VEPH1: variants seen among roughly 807,000 people sequenced by gnomAD.
VEPH1 encodes ventricular zone expressed PH domain containing 1, also known as ventricular zone-expressed PH domain-containing protein homolog 1.
In VEPH1, 80 loss-of-function variants were observed where a neutral mutation model predicts 85.2. The ratio of observed to expected loss-of-function variants is 0.94; its 90% CI spans 0.78 to 1.13. VEPH1 has a LOEUF of 1.13. Ranked by LOEUF, VEPH1 falls within the 50% of genes most tolerant of loss-of-function variation. VEPH1 has a pLI of 0.00. For synonymous variants in VEPH1, 297 were observed against 348.0 expected (o/e 0.85, Z 1.63); for missense variants, 955 against 980.5 (o/e 0.97, Z 0.35).
intron 4 of VEPH1, among the ~76,000 whole-genome samples, chr3:157,433,052 A>G (rs927603440): frequency 2.0e-5 from 3 of 152,194 alleles, no homozygotes; most frequent in African/African-American, 7.2e-5. Flanking sequence ...TTAATAAAGC[A>G]ATAGATTTTT....
At position 157,458,860 on chromosome 3, in the gene VEPH1, C is replaced by T. The variant is rs144615844; in HGVS notation, c.529+1321G>A. ...TATAGATACCCAGTTATCCTAGCAC[C>T]ATTTGTTGAATAGGGAGTCCTTCCC... is the stretch of plus-strand genomic sequence containing the variant. On this transcript the variant is annotated intron_variant, in intron 4 of 13. Transcript: ENST00000362010. Among the ~76,000 whole-genome samples, 33 of 152,232 alleles carry T rather than the reference C, an allele frequency of 2.2e-4. 1 individual carries two copies. The East Asian group carries it at 6.0e-3, about 28-fold the overall frequency.
intron 2 of VEPH1, among the ~76,000 whole-genome samples, chr3:157,481,215 G>T (rs1009709513): frequency 2.0e-5 from 3 of 151,892 alleles, no homozygotes; most frequent in Admixed American, 6.6e-5. Context: ...CAGATGCATA[G>T]TTCACGAATA....
intron 6 of VEPH1, among the ~76,000 whole-genome samples, chr3:157,399,254 A>G (rs1248651351): frequency 2.6e-5 from 4 of 152,260 alleles, no homozygotes; most frequent in Non-Finnish European, 5.9e-5. Flanking sequence ...CCAACTCAAT[A>G]TAAGCAAATG....
At chr3:157,475,997 T>C (rs1737434408) in intron 2 of VEPH1, among the ~76,000 whole-genome samples, 1 of 152,168 alleles carries the variant, frequency 6.6e-6, no homozygotes, top group Non-Finnish European at 1.5e-5. Context: ...TTTATGTTCA[T>C]GGGAATATTC....
At chr3:157,286,377 C>T in intron 12 of VEPH1, 180 bp downstream of exon 12, 1 of 633,412 alleles carries the variant, frequency 1.6e-6, no homozygotes, top group Non-Finnish European at 2.8e-6. Flanking sequence ...AAAGTTTTCC[C>T]TTTTTCCTAC....
chr3:157,279,799 C>T (rs982515798), intron 12 of VEPH1, among the ~76,000 whole-genome samples: 2 of 151,990 alleles, frequency 1.3e-5, no homozygotes, highest in Non-Finnish European at 2.9e-5. Context: ...GGGCGGATCA[C>T]GAGGTCAAGA....
chr3:157,427,577 T>C (rs1732846603), intron 5 of VEPH1, among the ~76,000 whole-genome samples: 1 of 152,196 alleles, frequency 6.6e-6, no homozygotes, highest in African/African-American at 2.4e-5. Flanking sequence ...CACCTCAGCC[T>C]CCTGAGTCGC....
chr3:157,269,516 G>A (rs1218578168), intron 12 of VEPH1, among the ~76,000 whole-genome samples: 1 of 152,120 alleles, frequency 6.6e-6, no homozygotes, highest in Non-Finnish European at 1.5e-5. Context: ...AGAGAAGTCA[G>A]TAAAAGCCAG....
chr3:157,489,196 GT>G (rs762235872), intron 2 of VEPH1: 12 of 456,308 alleles, frequency 2.6e-5, no homozygotes, highest in Admixed American at 1.4e-4. Context: ...ATTAGACCAT[GT>G]TACTTCTGCT....
intron 7 of VEPH1, among the ~76,000 whole-genome samples, chr3:157,371,685 T>C (rs1174549555): frequency 6.6e-6 from 1 of 152,220 alleles, no homozygotes; most frequent in Non-Finnish European, 1.5e-5. Context: ...GGCAGAGGCC[T>C]TTTTCCTCAA....
intron 3 of VEPH1, among the ~76,000 whole-genome samples, chr3:157,464,219 G>T (rs1736154923): frequency 6.6e-6 from 1 of 152,134 alleles, no homozygotes; most frequent in Non-Finnish European, 1.5e-5. Context: ...CAATTTCTTG[G>T]GTTGCATTTT....
At chr3:157,324,401 CAT>C (rs1370254791) in intron 9 of VEPH1, among the ~76,000 whole-genome samples, 2 of 152,108 alleles carry the variant, frequency 1.3e-5, no homozygotes, top group African/African-American at 4.8e-5. Flanking sequence ...AGATTTGTTA[CAT>C]GTGGCATGGT....
intron 9 of VEPH1, among the ~76,000 whole-genome samples, chr3:157,343,205 CA>C (rs1225551591): frequency 6.6e-6 from 1 of 152,020 alleles, no homozygotes; most frequent in African/African-American, 2.4e-5. Flanking sequence ...GATAGAGACA[CA>C]AAAAACCCTT....
intron 9 of VEPH1, among the ~76,000 whole-genome samples, chr3:157,318,909 T>G (rs1721080175): frequency 1.3e-5 from 2 of 151,892 alleles, no homozygotes; most frequent in Admixed American, 1.3e-4. Flanking sequence ...TAATAAAAGC[T>G]GATAAGGATC....
At chr3:157,404,991 C>T (rs1193649407) in intron 6 of VEPH1, among the ~76,000 whole-genome samples, 6 of 152,182 alleles carry the variant, frequency 3.9e-5, no homozygotes, top group Admixed American at 1.3e-4. Flanking sequence ...AGAAAGGGCA[C>T]TTACTAAGTG....
chr3:157,330,187 C>T (rs1037116005), intron 9 of VEPH1, among the ~76,000 whole-genome samples: 1 of 152,156 alleles, frequency 6.6e-6, no homozygotes, highest in African/African-American at 2.4e-5. Context: ...TACATCATAA[C>T]AACTTCACTT....
chr3:157,437,585 T>C (rs1354892864), intron 4 of VEPH1: 1 of 1,588,202 alleles, frequency 6.3e-7, no homozygotes, highest in Non-Finnish European at 8.6e-7. Context: ...AACTCGCAGA[T>C]GAGAGAGCGC....
At chr3:157,398,054 G>A (rs1261918399) in intron 6 of VEPH1, among the ~76,000 whole-genome samples, 2 of 152,164 alleles carry the variant, frequency 1.3e-5, no homozygotes, top group South Asian at 2.1e-4. Flanking sequence ...TAAGGCCATA[G>A]GTACAGGCTG....
chr3:157,346,544 G>T lies in VEPH1; in HGVS notation c.1735+16820C>A, dbSNP rs112211963. On this transcript the variant is annotated intron_variant, in intron 9 of 13. Transcript: ENST00000362010. The stretch of plus-strand genomic sequence containing the variant: ...CTAGATAATACTTTCACTGACCAGG[G>T]ATGGTAATATGTCAGTGTTTTACTT... 2.4e-4 allele frequency among the ~76,000 whole-genome samples: 37 copies of T among 152,240 alleles called. 1 individual carries two copies. The highest frequency in any genetic ancestry group is 8.9e-4 in the African/African-American group (37 of 41,534).
Sources: gnomAD v4.1 joint callset for allele counts (sites outside exome capture counted in the v4.1 genomes callset) on GRCh38, gnomAD v4.1.1 for gene constraint, MANE v1.5 for transcripts, NCBI Gene and HGNC (gene_info 2026-07-23, HGNC 2026-07-21) for gene names.